SH2D7: variants seen among roughly 807,000 people sequenced by gnomAD.
SH2D7 encodes SH2 domain-containing protein 7.
A neutral mutation model predicts 40.8 loss-of-function variants in SH2D7; 32 were observed. That is an observed-to-expected ratio of 0.78 (90% CI 0.59 to 1.05). The LOEUF (loss-of-function observed/expected upper bound fraction) is 1.05, where lower values mean the gene tolerates loss of function less well. SH2D7 is among the 50% of genes least tolerant of loss of function. SH2D7 has a pLI of 0.00. For missense variants in SH2D7, 559 were observed against 566.6 expected (o/e 0.99, Z 0.14); for synonymous variants, 195 against 221.5 (o/e 0.88, Z 1.06).
chr15:78,102,971 C>G (rs957596883), intron 5 of SH2D7, among the ~76,000 whole-genome samples: 4 of 152,138 alleles, frequency 2.6e-5, no homozygotes, highest in Non-Finnish European at 5.9e-5. Context: ...GCCCACACAC[C>G]CCATGGATAG....
rs1255016232 is a variant in SH2D7 at position 78,098,011 on chromosome 15, A to G, written c.349A>G (p.Ser117Gly). The G allele has an allele frequency of 6.2e-7, 1 of 1,613,898 alleles. No individual in the cohort carries two copies. The highest frequency in any genetic ancestry group is 8.5e-7 in the Non-Finnish European group (1 of 1,179,894). ...CATCTCAGGAGACACCCAGAGCCAC[A>G]GCACCCTGGCTGAGCTTGTGCACCA... is the stretch of plus-strand genomic sequence containing the variant. ...YIISGDTQSH[S>G]TLAELVHHYQ... is the part of the protein sequence containing the mutation. The change falls in exon 3 of 6, where the codon AGC (serine) becomes GGC (glycine). Residue 117 changes from serine (S) to glycine (G), a missense_variant. By Grantham distance (56) the Ser-to-Gly change is moderately conservative. Coordinates refer to ENST00000328828, the MANE Select transcript of SH2D7 (RefSeq NM_001101404.2).
chr15:78,093,715 T>C (rs1238048668), intron 1 of SH2D7, among the ~76,000 whole-genome samples: 1 of 152,214 alleles, frequency 6.6e-6, no homozygotes, highest in African/African-American at 2.4e-5. Context: ...TACACAGTGG[T>C]TCTGAGGGAG....
rs1596341810 is a variant in SH2D7 at position 78,100,161 on chromosome 15, A to T, written c.646-738A>T. ...CCAGATTAGAATATAAACTCCCAAG[A>T]GTTAGTCTTGCTCACCAGAGTCCTT... is the stretch of plus-strand genomic sequence containing the variant. On this transcript the variant is annotated intron_variant, in intron 4 of 5. Coordinates refer to ENST00000328828, the MANE Select transcript of SH2D7 (RefSeq NM_001101404.2). Among the ~76,000 whole-genome samples the T allele has an allele frequency of 5.3e-5, 8 of 152,340 alleles. 2 individuals carry two copies. Among genetic ancestry groups the T allele is most frequent in the Admixed American group, 5.2e-4 (8 of 15,302 alleles).
intron 2 of SH2D7, among the ~76,000 whole-genome samples, chr15:78,096,636 C>T (rs1456277286): frequency 6.6e-6 from 1 of 151,582 alleles, no homozygotes; most frequent in Non-Finnish European, 1.5e-5. Context: ...GCTGGGATTA[C>T]AGGCAACCAC....
At chr15:78,094,282 C>G in intron 2 of SH2D7, 81 bp downstream of exon 2, 1 of 1,366,742 alleles carries the variant, frequency 7.3e-7, no homozygotes, top group Non-Finnish European at 1.0e-6. Flanking sequence ...GCCCCACTGG[C>G]CCAAATTGCC....
rs1251352117 is a variant in SH2D7, at chr15:78,101,159, G to A, written c.906G>A (p.Val302=). The change falls in exon 5 of 6, where the codon GTG becomes GTA. Residue 302 remains valine (V), a synonymous_variant. Coordinates refer to ENST00000328828, the MANE Select transcript of SH2D7 (RefSeq NM_001101404.2). ...PDGLGPVLSG[V]SPDQGPTESP... Reference sequence around the variant, plus strand: ...GCCTGGGGCCTGTCCTTTCTGGGGTGAGCCCAGACCAGGGTCCCACAGAGT... The same window carrying A: ...GCCTGGGGCCTGTCCTTTCTGGGGTAAGCCCAGACCAGGGTCCCACAGAGT... 3 of 1,567,288 alleles carry A rather than the reference G, an allele frequency of 1.9e-6. No homozygotes were observed. The highest frequency in any genetic ancestry group is 3.9e-5 in the Admixed American group (2 of 51,640).
rs200267591 is a variant in SH2D7 at position 78,098,371 on chromosome 15, C to G, written c.433-13C>G. ...TGTGTGACCACATACCTGCCGTATC[C>G]GCATGCTCCCAGCCAGAGGACAATG... On this transcript the variant is annotated splice_polypyrimidine_tract_variant and intron_variant, in intron 3 of 5. Coordinates refer to ENST00000328828, the MANE Select transcript of SH2D7 (RefSeq NM_001101404.2). 6.2e-7 allele frequency: 1 copy of G among 1,612,484 alleles called. No homozygotes were observed. The highest frequency in any genetic ancestry group is 1.3e-5 in the African/African-American group (1 of 74,864).
chr15:78,103,769 G>T lies in SH2D7; in HGVS notation c.*254G>T, dbSNP rs2074032386. ...CCATCCATGCACAGGAGGGACTGGA[G>T]AGGAATGAGATTGGCCAAAGGCAGG... On this transcript the variant is annotated 3_prime_UTR_variant, in exon 6 of 6. Coordinates refer to ENST00000328828, the MANE Select transcript of SH2D7 (RefSeq NM_001101404.2). The T allele has an allele frequency of 2.0e-6, 1 of 504,922 alleles. No individual in the cohort carries two copies. The highest frequency in any genetic ancestry group is 1.9e-5 in the African/African-American group (1 of 51,702). 31.3% of individuals were successfully genotyped at this position (504,922 alleles called of 1,614,324 possible).
intron 2 of SH2D7, among the ~76,000 whole-genome samples, chr15:78,095,747 G>C (rs1461309956): frequency 1.3e-5 from 2 of 152,020 alleles, no homozygotes; most frequent in Non-Finnish European, 2.9e-5. Context: ...AAAATGAGAG[G>C]CCAAGTTTTT....
In SH2D7 at chr15:78,101,303, C is replaced by A. The variant is rs762868977; in HGVS notation, c.1050C>A (p.Ile350=). The stretch of plus-strand genomic sequence containing the variant: ...GCTCCCAGGGCAGCTCTGCAGATAT[C>A]TATGAGTTCATCGGGACAGAAGGCC... ...QPCSQGSSAD[I]YEFIGTEGLL... is the part of the protein sequence containing the mutation. The change falls in exon 5 of 6, where the codon ATC becomes ATA. Residue 350 remains isoleucine, a synonymous_variant. Coordinates refer to ENST00000328828, the MANE Select transcript of SH2D7 (RefSeq NM_001101404.2). The A allele has an allele frequency of 1.9e-6, 3 of 1,613,010 alleles. No homozygotes were observed. The highest frequency in any genetic ancestry group is 1.7e-5 in the Admixed American group (1 of 59,850).
chr15:78,090,623 CCATCATCATCATCATCATCAT>C (rs59098608), upstream of SH2D7, among the ~76,000 whole-genome samples: 1 of 146,340 alleles, frequency 6.8e-6, no homozygotes, highest in Non-Finnish European at 1.5e-5. Flanking sequence ...TCTTGCATCA[CCATCATCATCATCATCATCAT>C]CATCATCATC....
chr15:78,101,188 C>A lies in SH2D7; in HGVS notation c.935C>A (p.Pro312His), dbSNP rs758102334. ...VSPDQGPTES[P>H]TSWGCSDAMG... Reference sequence around the variant, plus strand: ...CCAGACCAGGGTCCCACAGAGTCTCCCACTTCCTGGGGATGTTCTGATGCC... The same window carrying A: ...CCAGACCAGGGTCCCACAGAGTCTCACACTTCCTGGGGATGTTCTGATGCC... The change falls in exon 5 of 6, where the codon CCC (proline) becomes CAC (histidine). Residue 312 changes from proline to histidine, a missense_variant. Transcript: ENST00000328828. 6.3e-7 allele frequency: 1 copy of A among 1,589,094 alleles called. No homozygotes were observed. The highest frequency in any genetic ancestry group is 1.1e-5 in the South Asian group (1 of 87,498).
At chr15:78,095,149 G>A (rs2073963284) in intron 2 of SH2D7, among the ~76,000 whole-genome samples, 2 of 152,212 alleles carry the variant, frequency 1.3e-5, no homozygotes, top group Non-Finnish European at 1.5e-5. Flanking sequence ...GAATATGATA[G>A]TACCTGCTTC....
intron 1 of SH2D7, among the ~76,000 whole-genome samples, chr15:78,093,148 A>G (rs756164893): frequency 2.6e-5 from 4 of 152,234 alleles, no homozygotes; most frequent in Non-Finnish European, 5.9e-5. Flanking sequence ...GCAAACCTGG[A>G]TGCATGGTTA....
intron 2 of SH2D7, among the ~76,000 whole-genome samples, chr15:78,096,579 T>C (rs1291587863): frequency 6.6e-6 from 1 of 152,082 alleles, no homozygotes; most frequent in Non-Finnish European, 1.5e-5. Context: ...CACTGCAACC[T>C]CCGCCTCCAG....
chr15:78,093,910 A>T (rs557617640), intron 1 of SH2D7, among the ~76,000 whole-genome samples: 63 of 152,306 alleles, frequency 4.1e-4, no homozygotes, highest in Admixed American at 1.7e-3. Flanking sequence ...TCTTGAACTT[A>T]ATCATTTGGG....
At position 78,101,352 on chromosome 15, in the gene SH2D7, C is replaced by A; in HGVS notation, c.1099C>A (p.Pro367Thr). The A allele has an allele frequency of 6.2e-7, 1 of 1,613,516 alleles. No homozygotes were observed. Among genetic ancestry groups the A allele is most frequent in the Non-Finnish European group, 8.5e-7 (1 of 1,179,760 alleles). The change falls in exon 5 of 6, where the codon CCA becomes ACA. Residue 367 changes from proline to threonine, a missense_variant. Pro to Thr is a conservative substitution (Grantham distance 38). Transcript: ENST00000328828. ...CCTCCTGCAAGAGGCCAGGGACACA[C>A]CAGACCAAGAAGGCAGCACCTATGA... ...EGLLQEARDTPDQEGSTYEQI... is the reference protein window; with the variant it reads ...EGLLQEARDTTDQEGSTYEQI...
chr15:78,101,120 G>C lies in SH2D7; in HGVS notation c.867G>C (p.Gln289His). ...AAAGGAGACTCTCAGATGGAGAACA[G>C]AACAGGCCTGATGGCCTGGGGCCTG... is the stretch of plus-strand genomic sequence containing the variant. ...EAQRRLSDGE[Q>H]NRPDGLGPVL... Residue 289 changes from glutamine (Q) to histidine (H), a missense_variant, in exon 5 of 6, where the codon CAG becomes CAC. Gln to His is a conservative substitution (Grantham distance 24). Coordinates refer to ENST00000328828, the MANE Select transcript of SH2D7 (RefSeq NM_001101404.2). 1 of 1,564,804 alleles carries C rather than the reference G, an allele frequency of 6.4e-7. No individual in the cohort carries two copies. The highest frequency in any genetic ancestry group is 8.6e-7 in the Non-Finnish European group (1 of 1,159,600).
At chr15:78,102,791 G>A (rs890470661) in intron 5 of SH2D7, among the ~76,000 whole-genome samples, 4 of 151,924 alleles carry the variant, frequency 2.6e-5, no homozygotes, top group African/African-American at 9.7e-5. Flanking sequence ...TGGAGCCCTC[G>A]GTCCCAACTA....
Sources: allele counts gnomAD v4.1 joint callset (sites outside exome capture counted in the v4.1 genomes callset), GRCh38; gene constraint gnomAD v4.1.1; transcripts MANE v1.5; gene names NCBI Gene and HGNC (gene_info 2026-07-23, HGNC 2026-07-21).